The following SATB2 variants were observed in gnomAD, a reference collection of about 807,000 sequenced individuals.
SATB2 encodes the protein SATB homeobox 2, also known as DNA-binding protein SATB2.
In SATB2, 1 loss-of-function variant was observed where a neutral mutation model predicts 73.4. The observed-to-expected ratio is 0.01, with a 90% confidence interval of 0.00 to 0.06. The LOEUF (loss-of-function observed/expected upper bound fraction) is 0.06. Ranked by LOEUF, SATB2 falls within the 10% of genes least tolerant of loss-of-function variation. The pLI is 1.00. For synonymous variants in SATB2, 397 were observed against 367.0 expected (o/e 1.08, Z -0.93); for missense variants, 459 against 945.8 (o/e 0.49, Z 6.75).
chr2:199,296,065 G>A (rs1268191774), intron 10 of SATB2, among the ~76,000 whole-genome samples: 1 of 152,152 alleles, frequency 6.6e-6, no homozygotes, highest in African/African-American at 2.4e-5. Context: ...GCCACAGTAG[G>A]TAGGTTTGGT....
intron 3 of SATB2, among the ~76,000 whole-genome samples, chr2:199,411,187 G>T (rs576400381): frequency 6.6e-6 from 1 of 151,334 alleles, no homozygotes; most frequent in Non-Finnish European, 1.5e-5. Context: ...CACCTGTGAC[G>T]GGTTCTTTCC....
At chr2:199,422,994 C>G (rs1398215206) in intron 3 of SATB2, among the ~76,000 whole-genome samples, 1 of 152,100 alleles carries the variant, frequency 6.6e-6, no homozygotes, top group Non-Finnish European at 1.5e-5. Flanking sequence ...ATAATTCAGA[C>G]AGCTGAACCT....
chr2:199,444,561 T>G (rs1691910188), intron 2 of SATB2, among the ~76,000 whole-genome samples: 1 of 152,168 alleles, frequency 6.6e-6, no homozygotes, highest in African/African-American at 2.4e-5. Flanking sequence ...GGTATTGGTG[T>G]TGTCCCCCTC....
At chr2:199,443,911 T>C (rs1461478436) in intron 2 of SATB2, among the ~76,000 whole-genome samples, 1 of 152,218 alleles carries the variant, frequency 6.6e-6, no homozygotes, top group Non-Finnish European at 1.5e-5. Flanking sequence ...CTGAGATCTC[T>C]GGTTTGCAAT....
chr2:199,283,084 C>T (rs1692574932), intron 10 of SATB2, among the ~76,000 whole-genome samples: 1 of 140,558 alleles, frequency 7.1e-6, no homozygotes, highest in East Asian at 2.1e-4. Flanking sequence ...TAAACATAAA[C>T]TTTTTTTTTT....
At chr2:199,445,458 T>G (rs1691936501) in intron 2 of SATB2, among the ~76,000 whole-genome samples, 1 of 152,192 alleles carries the variant, frequency 6.6e-6, no homozygotes, top group African/African-American at 2.4e-5. Flanking sequence ...GTTCTTTTCC[T>G]CCTCAAAGTT....
chr2:199,445,736 T>C (rs750475613), intron 2 of SATB2, among the ~76,000 whole-genome samples: 7 of 152,210 alleles, frequency 4.6e-5, no homozygotes, highest in Non-Finnish European at 1.0e-4. Flanking sequence ...GGGAACAATT[T>C]GCTCTTCTTA....
At chr2:199,353,013 T>C (rs1688862184) in intron 6 of SATB2, among the ~76,000 whole-genome samples, 2 of 151,908 alleles carry the variant, frequency 1.3e-5, no homozygotes, top group South Asian at 4.1e-4. Context: ...AGTTCTTTAC[T>C]ACCAAGAATG....
Position 199,429,525 on chromosome 2 carries a change from A to G in SATB2, c.346+3813T>C, listed in dbSNP as rs1691437124. 3.3e-5 allele frequency among the ~76,000 whole-genome samples: 5 copies of G among 152,210 alleles called. No homozygotes were observed. In the South Asian group the frequency reaches 1.0e-3, roughly 32 times the overall value. ...ATATAAATAAGAAACAGTGACAATTAATATACCCCTTCTTAAACATATAAT... is the reference window on the plus strand; with the variant it reads ...ATATAAATAAGAAACAGTGACAATTGATATACCCCTTCTTAAACATATAAT... On this transcript the variant is annotated intron_variant, in intron 3 of 10. Transcript: ENST00000417098.
rs934908903 is a variant in SATB2 at position 199,332,529 on chromosome 2, C to T, written c.1174-3619G>A. Among the ~76,000 whole-genome samples the T allele has an allele frequency of 3.3e-5, 5 of 152,124 alleles. 1 individual carries two copies. Among genetic ancestry groups the T allele is most frequent in the African/African-American group, 1.2e-4 (5 of 41,444 alleles). On this transcript the variant is annotated intron_variant, in intron 7 of 10. Coordinates refer to ENST00000417098, the MANE Select transcript of SATB2 (RefSeq NM_001172509.2). Reference sequence around the variant, plus strand: ...GAGCAATAACTTATTATAATGCCATCTAGCTTGCTCATAATTTAGCCTGTT... The same window carrying T: ...GAGCAATAACTTATTATAATGCCATTTAGCTTGCTCATAATTTAGCCTGTT...
intron 10 of SATB2, among the ~76,000 whole-genome samples, chr2:199,302,272 T>C (rs2105759203): frequency 6.6e-6 from 1 of 152,272 alleles, no homozygotes; most frequent in Non-Finnish European, 1.5e-5. Flanking sequence ...CTTTGGAAGA[T>C]AAACCCAAGA....
intron 3 of SATB2, among the ~76,000 whole-genome samples, chr2:199,406,573 T>C (rs565647925): frequency 1.8e-4 from 28 of 152,274 alleles, no homozygotes; most frequent in African/African-American, 6.7e-4. Context: ...CTTATAGTAC[T>C]CATCATGGAA....
In SATB2 at chr2:199,455,815, CG is replaced by C; in HGVS notation, c.169+53del. The C allele has an allele frequency of 6.6e-7, 1 of 1,522,474 alleles. No homozygotes were observed. The highest frequency in any genetic ancestry group is 8.8e-7 in the Non-Finnish European group (1 of 1,136,172). The allele number at this position is 1,522,474 out of a possible 1,614,324, so 94.3% of individuals were successfully genotyped here. A position where few individuals can be genotyped will look rare whatever the true frequency, so the allele number is the denominator to read the frequency against. On this transcript the variant is annotated intron_variant, in intron 2 of 10. Coordinates refer to ENST00000417098, the MANE Select transcript of SATB2 (RefSeq NM_001172509.2). The surrounding 1 kb of genome is among the most constrained non-coding windows in gnomAD (Gnocchi z 4.1). ...CCTAATCAACCTGAACCCTGACACC[CG>C]GGCCATTATCACTGGGCCGCGGGCT...
At chr2:199,452,447 A>G (rs906924752) in intron 2 of SATB2, among the ~76,000 whole-genome samples, 1 of 152,176 alleles carries the variant, frequency 6.6e-6, no homozygotes, top group African/African-American at 2.4e-5. Flanking sequence ...CATTCCATAC[A>G]GCAGAACATT....
At chr2:199,427,951 T>C (rs900594211) in intron 3 of SATB2, among the ~76,000 whole-genome samples, 4 of 152,192 alleles carry the variant, frequency 2.6e-5, no homozygotes, top group Non-Finnish European at 4.4e-5. Flanking sequence ...ATTCATTTTT[T>C]ATAAAAATAT....
Position 199,272,245 on chromosome 2 carries a change from C to T in SATB2, c.2168G>A (p.Ser723Asn), listed in dbSNP as rs750394257. The T allele has an allele frequency of 1.2e-6, 2 of 1,614,154 alleles. No individual in the cohort carries two copies. The highest frequency in any genetic ancestry group is 1.1e-5 in the South Asian group (1 of 91,090). The change falls in exon 11 of 11, where the codon AGC (serine) becomes AAC (asparagine). Residue 723 changes from serine (S) to asparagine (N), a missense_variant. This residue lies in a region of SATB2 where 41 missense variants were observed against 38.6 expected (regional missense o/e 1.06). Coordinates refer to ENST00000417098, the MANE Select transcript of SATB2 (RefSeq NM_001172509.2). The surrounding 1 kb of genome is among the most constrained non-coding windows in gnomAD (Gnocchi z 6.7). Reference protein sequence around the residue: ...VEAEEENADKSKAAPAEIDQR With the variant: ...VEAEEENADKNKAAPAEIDQR ...GTCAATTTCGGCAGGTGCTGCCTTGCTTTTGTCAGCATTTTCCTCCTCAGC... is the reference window on the plus strand; with the variant it reads ...GTCAATTTCGGCAGGTGCTGCCTTGTTTTTGTCAGCATTTTCCTCCTCAGC...
intron 3 of SATB2, among the ~76,000 whole-genome samples, chr2:199,383,052 T>C (rs939348846): frequency 1.3e-5 from 2 of 152,176 alleles, no homozygotes; most frequent in Non-Finnish European, 2.9e-5. Flanking sequence ...TGCGCAATGC[T>C]TGACATAATG....
intron 7 of SATB2, among the ~76,000 whole-genome samples, chr2:199,334,961 T>C (rs771774469): frequency 9.9e-5 from 15 of 152,110 alleles, no homozygotes; most frequent in Non-Finnish European, 1.6e-4. Context: ...GGGTTCTGTA[T>C]TCATAATCTA....
chr2:199,463,358 A>T lies in SATB2; in HGVS notation c.-141+1478T>A, dbSNP rs998856647. Among the ~76,000 whole-genome samples the T allele has an allele frequency of 3.9e-5, 6 of 152,328 alleles. No homozygotes were observed. Among genetic ancestry groups the T allele is most frequent in the African/African-American group, 1.4e-4 (6 of 41,586 alleles). Reference sequence around the variant, plus strand: ...GAGCCGCCGCTGCGTCCCCGCCCCCAGCTCGGAGCTGCCGGGGTTGGGGCC... The same window carrying T: ...GAGCCGCCGCTGCGTCCCCGCCCCCTGCTCGGAGCTGCCGGGGTTGGGGCC... On this transcript the variant is annotated intron_variant, in intron 1 of 11. Transcript: ENST00000260926. The surrounding 1 kb of genome is among the most constrained non-coding windows in gnomAD (Gnocchi z 6.4).
Sources: allele counts gnomAD v4.1 joint callset (sites outside exome capture counted in the v4.1 genomes callset), GRCh38; gene constraint gnomAD v4.1.1; regional missense constraint gnomAD v4.1.1; non-coding constraint Gnocchi (gnomAD v3.1); transcripts MANE v1.5; gene names NCBI Gene and HGNC (gene_info 2026-07-23, HGNC 2026-07-21).